The following NHS variants were observed in gnomAD, a reference collection of about 807,000 sequenced individuals.
The protein encoded by NHS is actin remodeling regulator NHS.
A neutral mutation model predicts 72.5 loss-of-function variants in NHS; 5 were observed. The ratio of observed to expected loss-of-function variants is 0.07; its 90% confidence interval spans 0.04 to 0.14. The LOEUF is 0.14. Among genes scored for constraint, NHS ranks in the 10% least tolerant of loss-of-function variants. The pLI is 1.00. For missense variants in NHS, 1,072 were observed against 1,355.7 expected, an observed-to-expected ratio of 0.79 and a Z score of 3.29; for synonymous variants, 464 against 547.7, an observed-to-expected ratio of 0.85 and a Z score of 2.13.
At chrX:17,504,711 G>A (rs1042575642) in intron 1 of NHS, among the ~76,000 whole-genome samples, 1 of 111,943 alleles carries the variant, frequency 8.9e-6, no homozygotes, top group Admixed American at 9.5e-5. Context: ...ACTGAGGCTG[G>A]GTCACCACAT....
chrX:17,415,213 C>T (rs2064586853), intron 1 of NHS, among the ~76,000 whole-genome samples: 1 of 111,514 alleles, frequency 9.0e-6, no homozygotes, highest in Non-Finnish European at 1.9e-5. Context: ...GCTTGTGGCT[C>T]CTCTAGATAT....
intron 2 of NHS, among the ~76,000 whole-genome samples, chrX:17,688,463 A>G (rs1358997633): frequency 1.8e-5 from 2 of 112,267 alleles, no homozygotes; most frequent in Non-Finnish European, 3.8e-5. Flanking sequence ...CATCCTCTGC[A>G]TTATGGGATG....
intron 3 of NHS, among the ~76,000 whole-genome samples, chrX:17,718,657 G>T (rs560751470): frequency 1.1e-5 from 1 of 93,523 alleles, no homozygotes; most frequent in South Asian, 5.9e-4. Flanking sequence ...AAGGAAGGAA[G>T]GGAAGTAGGA....
At chrX:17,490,669 A>G (rs1212758646) in intron 1 of NHS, among the ~76,000 whole-genome samples, 2 of 111,896 alleles carry the variant, frequency 1.8e-5, no homozygotes, top group Non-Finnish European at 3.8e-5. Flanking sequence ...AAGAAAGACA[A>G]TGGTACCTTG....
chrX:17,617,101 G>C (rs1001067615), intron 1 of NHS, among the ~76,000 whole-genome samples: 16 of 112,272 alleles, frequency 1.4e-4, no homozygotes, highest in African/African-American at 5.2e-4. Flanking sequence ...CGGGACTGTC[G>C]TGAAAGTAAT....
At chrX:17,482,057 T>A (rs2064947994) in intron 1 of NHS, among the ~76,000 whole-genome samples, 1 of 112,396 alleles carries the variant, frequency 8.9e-6, no homozygotes, top group Admixed American at 9.4e-5. Flanking sequence ...CTACCACCTG[T>A]GTGACCTTGG....
chrX:17,547,358 T>C (rs1487609919), intron 1 of NHS, among the ~76,000 whole-genome samples: 1 of 111,893 alleles, frequency 8.9e-6, no homozygotes, highest in Non-Finnish European at 1.9e-5. Flanking sequence ...TACCCCCTTT[T>C]TTCGTGTATT....
At chrX:17,534,096 T>TTTTGTGTGTGTG (rs112645115) in intron 1 of NHS, among the ~76,000 whole-genome samples, 1 of 104,923 alleles carries the variant, frequency 9.5e-6, no homozygotes, top group African/African-American at 3.5e-5. Context: ...TGAAAGGTCA[T>TTTTGTGTGTGTG]TGTGTGTGTG....
At chrX:17,415,997 T>C (rs1435374487) in intron 1 of NHS, among the ~76,000 whole-genome samples, 1 of 111,569 alleles carries the variant, frequency 9.0e-6, no homozygotes, top group African/African-American at 3.3e-5. Context: ...TGATTTGTAT[T>C]TTCCAACCAA....
chrX:17,721,820 C>T (rs1258316786), intron 5 of NHS, among the ~76,000 whole-genome samples, 187 bp downstream of exon 5: 2 of 111,483 alleles, frequency 1.8e-5, no homozygotes, highest in Non-Finnish European at 3.8e-5. Flanking sequence ...ACATGTTTTC[C>T]GCGGGCCACT....
rs752482880 is a variant in NHS, at chrX:17,732,475, C to T, written c.*11C>T. ...CAGAGTTCAACATAGACTGCCTGTA[C>T]CAGGCTGCCTGGCAAAGGCCAAAAC... On this transcript the variant is annotated 3_prime_UTR_variant, in exon 9 of 9. Coordinates refer to ENST00000676302, the MANE Select transcript of NHS (RefSeq NM_001291867.2). 8 of 1,211,387 alleles carry T rather than the reference C, an allele frequency of 6.6e-6. No homozygotes were observed. The highest frequency in any genetic ancestry group is 8.9e-6 in the Non-Finnish European group (8 of 895,522).
At chrX:17,639,166 T>A (rs1486483169) in intron 1 of NHS, among the ~76,000 whole-genome samples, 1 of 111,793 alleles carries the variant, frequency 8.9e-6, no homozygotes, top group Non-Finnish European at 1.9e-5. Context: ...CTTTCCCCTC[T>A]GTAGGGTTTT....
chrX:17,679,925 T>A (rs1177427325), intron 1 of NHS, among the ~76,000 whole-genome samples: 3 of 110,456 alleles, frequency 2.7e-5, no homozygotes, highest in Non-Finnish European at 5.7e-5. Flanking sequence ...CTTTCCCTGA[T>A]GATATGTATA....
chrX:17,624,905 G>A (rs1036810992), intron 1 of NHS, among the ~76,000 whole-genome samples: 1 of 112,148 alleles, frequency 8.9e-6, no homozygotes, highest in African/African-American at 3.2e-5. Context: ...AACAGCAATT[G>A]TCAAACTTAT....
At chrX:17,471,360 C>A (rs2064891858) in intron 1 of NHS, among the ~76,000 whole-genome samples, 1 of 112,471 alleles carries the variant, frequency 8.9e-6, no homozygotes, top group Non-Finnish European at 1.9e-5. Context: ...ACCTTTGAGC[C>A]ACCATGTCTG....
At chrX:17,662,942 G>A (rs1482761471) in intron 1 of NHS, among the ~76,000 whole-genome samples, 1 of 111,742 alleles carries the variant, frequency 8.9e-6, no homozygotes, top group African/African-American at 3.3e-5. Context: ...TGGGAATAGG[G>A]ACCTGTGTTT....
chrX:17,476,549 G>C (rs1413680280), intron 1 of NHS, among the ~76,000 whole-genome samples: 1 of 111,211 alleles, frequency 9.0e-6, no homozygotes, highest in Non-Finnish European at 1.9e-5. Context: ...CACAGATCCT[G>C]GCATAATGAT....
chrX:17,522,671 G>GT (rs1556001517), intron 1 of NHS, among the ~76,000 whole-genome samples: 1 of 109,365 alleles, frequency 9.1e-6, no homozygotes, highest in Non-Finnish European at 1.9e-5. Context: ...ATGTGGGCTT[G>GT]CTGTAGCAGG....
rs780707963 is a variant in NHS at position 17,545,774 on chromosome X, C to T, written c.566-141968C>T. Reference sequence around the variant, plus strand: ...TGGAAGGGTCCTATTCAAGTCCAAGCGGAGGTCACTGTGCCTGACTTCTAA... The same window carrying T: ...TGGAAGGGTCCTATTCAAGTCCAAGTGGAGGTCACTGTGCCTGACTTCTAA... On this transcript the variant is annotated intron_variant, in intron 1 of 8. Coordinates refer to ENST00000676302, the MANE Select transcript of NHS (RefSeq NM_001291867.2). 6.3e-5 allele frequency among the ~76,000 whole-genome samples: 7 copies of T among 111,904 alleles called. No homozygotes were observed. The South Asian group carries it at 1.9e-3, about 30-fold the overall frequency.
Sources: allele counts gnomAD v4.1 joint callset (sites outside exome capture counted in the v4.1 genomes callset), GRCh38; gene constraint gnomAD v4.1.1; transcripts MANE v1.5; gene names NCBI Gene and HGNC (gene_info 2026-07-23, HGNC 2026-07-21).